DERA: variants seen among roughly 807,000 people sequenced by gnomAD.
DERA encodes 2-deoxy-D-ribose 5-phosphate aldolase.
A neutral mutation model predicts 41.1 loss-of-function variants in DERA; 15 were observed. The observed-to-expected ratio is 0.37, with a 90% confidence interval of 0.24 to 0.56. The LOEUF (loss-of-function observed/expected upper bound fraction) is 0.56, where lower values mean the gene tolerates loss of function less well. Ranked by LOEUF, DERA falls within the 20% of genes least tolerant of loss-of-function variation. The pLI, the probability that DERA is intolerant of heterozygous loss-of-function variation, is 0.81. For missense variants in DERA, 396 were observed against 403.4 expected (o/e 0.98, Z 0.16); for synonymous variants, 139 against 137.4 (o/e 1.01, Z -0.08).
rs567355821 is a variant in DERA, at chr12:15,961,378, T to C, written c.374-1435T>C. Among the ~76,000 whole-genome samples, 6 of 152,124 alleles carry C rather than the reference T, an allele frequency of 3.9e-5. No homozygotes were observed. In the South Asian group the frequency reaches 1.0e-3, roughly 26 times the overall value. On this transcript the variant is annotated intron_variant, in intron 4 of 8. Transcript: ENST00000428559. The stretch of plus-strand genomic sequence containing the variant: ...ATGTTAGAGGAATATCCTGATGCTT[T>C]AAAAAGGGAGTCTAGGCCAGGCATG...
chr12:16,032,932 A>G, intron 7 of DERA: 1 of 327,666 alleles, frequency 3.1e-6, no homozygotes. Context: ...TGTCACTGAC[A>G]AGAGATTCCT....
intron 6 of DERA, among the ~76,000 whole-genome samples, chr12:15,991,897 C>T (rs1176274067): frequency 1.3e-5 from 2 of 151,972 alleles, no homozygotes; most frequent in East Asian, 3.9e-4. Flanking sequence ...TAGCTTTGTC[C>T]CCACTCCTTG....
Position 16,036,490 on chromosome 12 carries a change from C to A in DERA, c.900+109C>A. 1 of 1,269,052 alleles carries A rather than the reference C, an allele frequency of 7.9e-7. No homozygotes were observed. The highest frequency in any genetic ancestry group is 1.1e-6 in the Non-Finnish European group (1 of 920,500). 78.6% of individuals were successfully genotyped at this position (1,269,052 alleles called of 1,614,324 possible). On this transcript the variant is annotated intron_variant, in intron 8 of 8. Coordinates refer to ENST00000428559, the MANE Select transcript of DERA (RefSeq NM_015954.4). The surrounding 1 kb of genome is among the most constrained non-coding windows in gnomAD (Gnocchi z 4.9). ...TAAAAACTCATCTGATTGACCTCATCCTACCCAATCCTCTACCTTTTCTTC... is the reference window on the plus strand; with the variant it reads ...TAAAAACTCATCTGATTGACCTCATACTACCCAATCCTCTACCTTTTCTTC...
chr12:16,006,183 G>A (rs1350171818), intron 6 of DERA, among the ~76,000 whole-genome samples: 1 of 152,210 alleles, frequency 6.6e-6, no homozygotes, highest in Non-Finnish European at 1.5e-5. Flanking sequence ...AGCTGAGACT[G>A]TAGGTGACAA....
rs1565588685 is a variant in DERA at position 15,936,912 on chromosome 12, T to TCCCGTCCC, written c.32-20024_32-20023insCCCGTCCC. On this transcript the variant is annotated intron_variant, in intron 1 of 8. Transcript: ENST00000428559. The surrounding 1 kb of genome is among the most constrained non-coding windows in gnomAD (Gnocchi z 4.6). The stretch of plus-strand genomic sequence containing the variant: ...TGTCCTGTCCTGTCCTGTCCTGTCC[T>TCCCGTCCC]GTCCTGTCCTGTCCTGTCCTGTCTT... Among the ~76,000 whole-genome samples the TCCCGTCCC allele has an allele frequency of 7.1e-6, 1 of 140,854 alleles. No individual in the cohort carries two copies. Among genetic ancestry groups the TCCCGTCCC allele is most frequent in the African/African-American group, 2.8e-5 (1 of 35,544 alleles). The allele number at this position is 140,854 out of a possible 152,430, so 92.4% of individuals were successfully genotyped here. A position where few individuals can be genotyped will look rare whatever the true frequency, so the allele number is the denominator to read the frequency against.
At position 16,012,053 on chromosome 12, in the gene DERA, G is replaced by A. The variant is rs957431608; in HGVS notation, c.638-20489G>A. 1.3e-5 allele frequency among the ~76,000 whole-genome samples: 2 copies of A among 152,188 alleles called. No individual in the cohort carries two copies. Among genetic ancestry groups the A allele is most frequent in the Non-Finnish European group, 2.9e-5 (2 of 68,030 alleles). On this transcript the variant is annotated intron_variant, in intron 6 of 8. Coordinates refer to ENST00000428559, the MANE Select transcript of DERA (RefSeq NM_015954.4). The surrounding 1 kb of genome is among the most constrained non-coding windows in gnomAD (Gnocchi z 4.1). ...TAACTAAGTCAGTGTTTCCTCAAAAGGGGCAGAGTTTGGTAAAGAAAAGCC... is the reference window on the plus strand; with the variant it reads ...TAACTAAGTCAGTGTTTCCTCAAAAAGGGCAGAGTTTGGTAAAGAAAAGCC...
chr12:15,982,077 C>T lies in DERA; in HGVS notation c.509-231C>T, dbSNP rs1306492917. ...TTTAAAAAGCTCTATGTCTCTGGAC[C>T]TCAGGCCAGGGCTTAGAAACGGTTT... On this transcript the variant is annotated intron_variant, in intron 5 of 8. Transcript: ENST00000428559. The surrounding 1 kb of genome is among the most constrained non-coding windows in gnomAD (Gnocchi z 4.0). Among the ~76,000 whole-genome samples the T allele has an allele frequency of 1.3e-5, 2 of 152,164 alleles. No individual in the cohort carries two copies. The highest frequency in any genetic ancestry group is 4.8e-5 in the African/African-American group (2 of 41,430).
chr12:15,919,552 A>G (rs546438904), intron 1 of DERA, among the ~76,000 whole-genome samples: 3 of 152,314 alleles, frequency 2.0e-5, no homozygotes, highest in South Asian at 2.1e-4. Flanking sequence ...TTTTTCAGTT[A>G]ACTTTGATGT....
At chr12:15,987,602 T>C (rs1017751781) in intron 6 of DERA, among the ~76,000 whole-genome samples, 1 of 152,194 alleles carries the variant, frequency 6.6e-6, no homozygotes, top group Admixed American at 6.5e-5. Context: ...GGACCCCAAG[T>C]ACATGAGTGT....
rs907516418 is a variant in DERA, at chr12:15,990,532, A to G, written c.637+8096A>G. On this transcript the variant is annotated intron_variant, in intron 6 of 8. Coordinates refer to ENST00000428559, the MANE Select transcript of DERA (RefSeq NM_015954.4). The surrounding 1 kb of genome is among the most constrained non-coding windows in gnomAD (Gnocchi z 4.3). ...CTTGTGTCATGGGGTTTTGTTGTACAGATTATTTCCTTACCCAGATGTTAA... is the reference window on the plus strand; with the variant it reads ...CTTGTGTCATGGGGTTTTGTTGTACGGATTATTTCCTTACCCAGATGTTAA... 2.8e-4 allele frequency among the ~76,000 whole-genome samples: 42 copies of G among 152,100 alleles called. No homozygotes were observed. The highest frequency in any genetic ancestry group is 1.0e-3 in the African/African-American group (42 of 41,408).
intron 6 of DERA, among the ~76,000 whole-genome samples, chr12:16,018,898 T>G (rs1044029868): frequency 2.0e-5 from 3 of 152,194 alleles, no homozygotes; most frequent in Non-Finnish European, 4.4e-5. Context: ...CTTTCATCTC[T>G]TAGTTTAGTC....
At chr12:15,937,284 C>T (rs1384106908) in intron 1 of DERA, among the ~76,000 whole-genome samples, 1 of 152,186 alleles carries the variant, frequency 6.6e-6, no homozygotes, top group Non-Finnish European at 1.5e-5. Context: ...GAAGTTATAT[C>T]TAAAACTTGA....
In DERA at chr12:16,009,317, C is replaced by A. The variant is rs574268075; in HGVS notation, c.638-23225C>A. On this transcript the variant is annotated intron_variant, in intron 6 of 8. Transcript: ENST00000428559. This position sits in a 1 kb window ranked among gnomAD's most constrained non-coding sequence, Gnocchi z 5.3. The stretch of plus-strand genomic sequence containing the variant: ...AAATCCTAGGGTTTTATTCTTTTAG[C>A]AGGTTTTGTGATGAAAATGTCACCA... 6.6e-6 allele frequency among the ~76,000 whole-genome samples: 1 copy of A among 152,168 alleles called. No homozygotes were observed. The highest frequency in any genetic ancestry group is 2.4e-5 in the African/African-American group (1 of 41,430).
Position 15,957,139 on chromosome 12 carries a change from G to T in DERA, c.129+106G>T. ...ACTCAAGATGCATCTAAACTTAAAA[G>T]ATTGCAGCTGTCCATGACTTATTTT... On this transcript the variant is annotated intron_variant, in intron 2 of 8. Transcript: ENST00000428559. The surrounding 1 kb of genome is among the most constrained non-coding windows in gnomAD (Gnocchi z 4.8). The T allele has an allele frequency of 1.2e-6, 1 of 807,184 alleles. No individual in the cohort carries two copies. The highest frequency in any genetic ancestry group is 2.1e-6 in the Non-Finnish European group (1 of 477,682). 50.0% of individuals were successfully genotyped at this position (807,184 alleles called of 1,614,324 possible).
chr12:16,036,404 G>A lies in DERA; in HGVS notation c.900+23G>A. On this transcript the variant is annotated intron_variant, in intron 8 of 8. Coordinates refer to ENST00000428559, the MANE Select transcript of DERA (RefSeq NM_015954.4). This position sits in a 1 kb window ranked among gnomAD's most constrained non-coding sequence, Gnocchi z 4.9. ...CAGGTGAGTAATCATCTCTGTCTTT[G>A]GAATAAATTAACAAGTGTTTTTTGA... The A allele has an allele frequency of 6.4e-7, 1 of 1,562,648 alleles. No individual in the cohort carries two copies. Among genetic ancestry groups the A allele is most frequent in the Non-Finnish European group, 8.6e-7 (1 of 1,158,642 alleles).
intron 5 of DERA, among the ~76,000 whole-genome samples, chr12:15,971,527 T>C (rs3782548): frequency 0.09 from 13,152 of 146,900 alleles, 434 homozygotes; most frequent in Non-Finnish European, 0.13. Context: ...TTTTTTTTTT[T>C]TTTTTTGAGA....
intron 1 of DERA, among the ~76,000 whole-genome samples, chr12:15,952,376 AC>A (rs1355867938): frequency 6.6e-6 from 1 of 152,162 alleles, no homozygotes; most frequent in African/African-American, 2.4e-5. Flanking sequence ...TGTACTGATT[AC>A]TTTTTTAAAA....
chr12:16,020,768 G>A lies in DERA; in HGVS notation c.638-11774G>A, dbSNP rs1264208892. 6.6e-6 allele frequency among the ~76,000 whole-genome samples: 1 copy of A among 152,192 alleles called. No individual in the cohort carries two copies. The highest frequency in any genetic ancestry group is 1.9e-4 in the East Asian group (1 of 5,190). The stretch of plus-strand genomic sequence containing the variant: ...GGAAATGAGGAAGTTATTGAGAACT[G>A]GAGTGAAGGTCACCCCTGTTATGTC... On this transcript the variant is annotated intron_variant, in intron 6 of 8. Transcript: ENST00000428559. The surrounding 1 kb of genome is among the most constrained non-coding windows in gnomAD (Gnocchi z 5.5).
rs564709083 is a variant in DERA at position 16,017,867 on chromosome 12, A to T, written c.638-14675A>T. 1.3e-5 allele frequency among the ~76,000 whole-genome samples: 2 copies of T among 152,348 alleles called. No individual in the cohort carries two copies. Among genetic ancestry groups the T allele is most frequent in the Non-Finnish European group, 2.9e-5 (2 of 68,030 alleles). ...AGCTCTTATTATAGGGTTGGTATGAATTCCACTTAATGACAAGCTTTCTCA... is the reference window on the plus strand; with the variant it reads ...AGCTCTTATTATAGGGTTGGTATGATTTCCACTTAATGACAAGCTTTCTCA... On this transcript the variant is annotated intron_variant, in intron 6 of 8. Coordinates refer to ENST00000428559, the MANE Select transcript of DERA (RefSeq NM_015954.4). This position sits in a 1 kb window ranked among gnomAD's most constrained non-coding sequence, Gnocchi z 5.5.
Sources: gnomAD v4.1 joint callset for allele counts (sites outside exome capture counted in the v4.1 genomes callset) on GRCh38, gnomAD v4.1.1 for gene constraint, Gnocchi (gnomAD v3.1) non-coding constraint, MANE v1.5 for transcripts, NCBI Gene and HGNC (gene_info 2026-07-23, HGNC 2026-07-21) for gene names.